SUSD4: variants seen among roughly 807,000 people sequenced by gnomAD.
SUSD4 encodes the protein sushi domain containing 4, also known as sushi domain-containing protein 4.
SUSD4 carries 41 observed loss-of-function variants against 50.5 expected under a neutral mutation model. That is an observed-to-expected ratio of 0.81 (90% CI 0.63 to 1.05). The LOEUF is 1.05. Among genes scored for constraint, SUSD4 ranks in the 50% least tolerant of loss-of-function variants. SUSD4 has a pLI of 0.00. For synonymous variants in SUSD4, 257 were observed against 257.3 expected, an observed-to-expected ratio of 1.00 and a Z score of 0.01; for missense variants, 580 against 634.7, an observed-to-expected ratio of 0.91 and a Z score of 0.93.
chr1:223,258,113 T>A (rs1340583985), intron 5 of SUSD4, among the ~76,000 whole-genome samples: 2 of 152,216 alleles, frequency 1.3e-5, no homozygotes, highest in Non-Finnish European at 2.9e-5. Flanking sequence ...TACACAGGAT[T>A]CACTTTGAAG....
chr1:223,272,847 T>A (rs1179647848), intron 3 of SUSD4, among the ~76,000 whole-genome samples: 1 of 152,162 alleles, frequency 6.6e-6, no homozygotes, highest in East Asian at 1.9e-4. Context: ...AGGCTCAGGG[T>A]GTCCTGGGTG....
chr1:223,276,378 C>T (rs749609945), intron 3 of SUSD4, among the ~76,000 whole-genome samples: 14 of 152,232 alleles, frequency 9.2e-5, no homozygotes, highest in Non-Finnish European at 1.9e-4. Flanking sequence ...TCAGCACTCA[C>T]GTGTGCAAGA....
Position 223,227,599 on chromosome 1 carries a change from G to C in SUSD4, c.1056C>G (p.Pro352=). 3 of 1,613,772 alleles carry C rather than the reference G, an allele frequency of 1.9e-6. No homozygotes were observed. The highest frequency in any genetic ancestry group is 2.5e-6 in the Non-Finnish European group (3 of 1,179,828). Residue 352 remains proline, a synonymous_variant, in exon 7 of 9, where the codon CCC becomes CCG. Transcript: ENST00000366878. This position sits in a 1 kb window ranked among gnomAD's most constrained non-coding sequence, Gnocchi z 4.5. ...MFQTKFKAHF[P]PRGPPRSSSS... ...TGCCAAGACATGACACTGACCTGGG[G>C]GGAAAGTGGGCCTTGAACTTGGTCT...
rs1659596199 is a variant in SUSD4 at position 223,227,513 on chromosome 1, T to C, written c.1061+81A>G. 8 of 1,536,764 alleles carry C rather than the reference T, an allele frequency of 5.2e-6. No homozygotes were observed. The highest frequency in any genetic ancestry group is 7.1e-6 in the Non-Finnish European group (8 of 1,131,008). Reference sequence around the variant, plus strand: ...TCCCTTTAGAGCTTCAACTTTTCACTCATCACTTTCTCCCTCTGCTGCTAA... The same window carrying C: ...TCCCTTTAGAGCTTCAACTTTTCACCCATCACTTTCTCCCTCTGCTGCTAA... On this transcript the variant is annotated intron_variant, in intron 7 of 8. Coordinates refer to ENST00000366878, the MANE Select transcript of SUSD4 (RefSeq NM_017982.4). The surrounding 1 kb of genome is among the most constrained non-coding windows in gnomAD (Gnocchi z 4.5).
intron 3 of SUSD4, among the ~76,000 whole-genome samples, chr1:223,287,089 G>T (rs1023579225): frequency 1.3e-5 from 2 of 152,158 alleles, no homozygotes; most frequent in Non-Finnish European, 2.9e-5. Flanking sequence ...GTTTGCTTTT[G>T]TTTTTGAGGC....
chr1:223,315,492 T>G (rs1055171222), intron 2 of SUSD4, among the ~76,000 whole-genome samples: 7 of 152,222 alleles, frequency 4.6e-5, no homozygotes, highest in African/African-American at 1.7e-4. Flanking sequence ...ACTGGTCCTG[T>G]GGCCCCACCC....
chr1:223,297,280 C>T (rs1343050463), intron 2 of SUSD4, among the ~76,000 whole-genome samples: 3 of 152,132 alleles, frequency 2.0e-5, no homozygotes, highest in Non-Finnish European at 4.4e-5. Context: ...TTAGTGTGAA[C>T]AGAAGAACAT....
At position 223,268,597 on chromosome 1, in the gene SUSD4, C is replaced by A. The variant is rs1172275907; in HGVS notation, c.440G>T (p.Cys147Phe). Residue 147 changes from cysteine to phenylalanine, a missense_variant, in exon 4 of 9, where the codon TGT (cysteine) becomes TTT (phenylalanine). Physicochemically the swap from Cys to Phe is radical, Grantham distance 205. Transcript: ENST00000366878. ...YRHGEKLIIT[C>F]HEGFKIRYPD... ...GTACCGGATCTTGAATCCTTCATGA[C>A]AAGTGATGATTAGCTTCTCTCCATG... The A allele has an allele frequency of 6.2e-7, 1 of 1,613,910 alleles. No individual in the cohort carries two copies. The highest frequency in any genetic ancestry group is 8.5e-7 in the Non-Finnish European group (1 of 1,179,920).
chr1:223,337,120 A>G (rs773172017), intron 2 of SUSD4, among the ~76,000 whole-genome samples: 1 of 152,250 alleles, frequency 6.6e-6, no homozygotes, highest in African/African-American at 2.4e-5. Context: ...CAAAATCAGC[A>G]GAATGCATAA....
chr1:223,266,091 C>G (rs1571922437), intron 4 of SUSD4, among the ~76,000 whole-genome samples: 2 of 152,310 alleles, frequency 1.3e-5, no homozygotes, highest in African/African-American at 4.8e-5. Flanking sequence ...GAGGCACTCA[C>G]TGTCGTGGTT....
chr1:223,250,031 G>A (rs1661196131), intron 5 of SUSD4, among the ~76,000 whole-genome samples: 1 of 152,212 alleles, frequency 6.6e-6, no homozygotes, highest in South Asian at 2.1e-4. Flanking sequence ...GTGCAAAGGT[G>A]CAAGAGTGCA....
intron 5 of SUSD4, among the ~76,000 whole-genome samples, chr1:223,245,969 G>A (rs1407875414): frequency 2.0e-5 from 3 of 152,102 alleles, no homozygotes; most frequent in Non-Finnish European, 4.4e-5. Context: ...TGCACTGGTC[G>A]GGTTTGAGCT....
Position 223,231,884 on chromosome 1 carries a change from G to A in SUSD4, c.725-2496C>T, listed in dbSNP as rs1241826208. On this transcript the variant is annotated intron_variant, in intron 5 of 8. Coordinates refer to ENST00000366878, the MANE Select transcript of SUSD4 (RefSeq NM_017982.4). This position sits in a 1 kb window ranked among gnomAD's most constrained non-coding sequence, Gnocchi z 4.2. ...CTCAGGAGGCCGGCATCTTCTCTGGGACAGGAGCCCCTTTCTGTGGTCAAG... is the reference window on the plus strand; with the variant it reads ...CTCAGGAGGCCGGCATCTTCTCTGGAACAGGAGCCCCTTTCTGTGGTCAAG... Among the ~76,000 whole-genome samples the A allele has an allele frequency of 6.6e-6, 1 of 152,220 alleles. No individual in the cohort carries two copies. Among genetic ancestry groups the A allele is most frequent in the East Asian group, 1.9e-4 (1 of 5,184 alleles).
intron 5 of SUSD4, among the ~76,000 whole-genome samples, chr1:223,252,226 AAAAAAAAAAAAT>A (rs1227994117): frequency 9.3e-5 from 10 of 107,236 alleles, no homozygotes; most frequent in East Asian, 6.6e-4. Context: ...AATTAAAAAA[AAAAAAAAAAAAT>A]ATATATATAT....
intron 2 of SUSD4, among the ~76,000 whole-genome samples, chr1:223,304,841 TATATA>T (rs1665432695): frequency 1.1e-5 from 1 of 87,530 alleles, no homozygotes; most frequent in Non-Finnish European, 2.3e-5. Flanking sequence ...TATATATATA[TATATA>T]TATATATATA....
intron 2 of SUSD4, among the ~76,000 whole-genome samples, chr1:223,304,332 T>C (rs1364471805): frequency 1.3e-5 from 2 of 152,228 alleles, no homozygotes; most frequent in African/African-American, 4.8e-5. Flanking sequence ...TACACAATCC[T>C]GCATGCAATT....
chr1:223,316,776 C>G (rs964141631), intron 2 of SUSD4, among the ~76,000 whole-genome samples: 2 of 152,118 alleles, frequency 1.3e-5, no homozygotes, highest in African/African-American at 4.8e-5. Context: ...GTTAGTAGGT[C>G]ACAGGGCAGG....
rs1659580161 is a variant in SUSD4 at position 223,227,282 on chromosome 1, T to G, written c.1061+312A>C. Among the ~76,000 whole-genome samples, 1 of 152,074 alleles carries G rather than the reference T, an allele frequency of 6.6e-6. No individual in the cohort carries two copies. The highest frequency in any genetic ancestry group is 6.5e-5 in the Admixed American group (1 of 15,268). ...AGGGCCACATGCAGGGGGACCACAG[T>G]GGGAATGGTGCCTCTGGGTGGAGCA... On this transcript the variant is annotated intron_variant, in intron 7 of 8. Transcript: ENST00000366878. The surrounding 1 kb of genome is among the most constrained non-coding windows in gnomAD (Gnocchi z 4.5).
chr1:223,334,197 T>C (rs1243712903), intron 2 of SUSD4, among the ~76,000 whole-genome samples: 4 of 151,962 alleles, frequency 2.6e-5, no homozygotes, highest in East Asian at 1.9e-4. Context: ...AAGAACAGAA[T>C]GCTGTTTTAA....
Sources: gnomAD v4.1 joint callset for allele counts (sites outside exome capture counted in the v4.1 genomes callset) on GRCh38, gnomAD v4.1.1 for gene constraint, Gnocchi (gnomAD v3.1) non-coding constraint, MANE v1.5 for transcripts, NCBI Gene and HGNC (gene_info 2026-07-23, HGNC 2026-07-21) for gene names.